The following COL25A1 variants were observed in gnomAD, a reference collection of about 807,000 sequenced individuals.
The protein encoded by COL25A1 is collagen alpha-1(XXV) chain.
COL25A1 carries 103 observed loss-of-function variants against 128.4 expected under a neutral mutation model. That is an observed-to-expected ratio of 0.80 (90% CI 0.68 to 0.94). The LOEUF (loss-of-function observed/expected upper bound fraction) is 0.94. COL25A1 is among the 40% of genes least tolerant of loss of function. COL25A1 has a pLI of 0.00. For missense variants in COL25A1, 745 were observed against 840.0 expected (o/e 0.89, Z 1.40); for synonymous variants, 279 against 277.2 (o/e 1.01, Z -0.06).
chr4:109,146,903 A>T (rs1770993423), intron 3 of COL25A1, among the ~76,000 whole-genome samples: 1 of 152,252 alleles, frequency 6.6e-6, no homozygotes, highest in Non-Finnish European at 1.5e-5. Context: ...TCTTCGGACC[A>T]AATCTGTGTA....
At chr4:109,016,196 C>T (rs549035464) in intron 5 of COL25A1, among the ~76,000 whole-genome samples, 1 of 152,360 alleles carries the variant, frequency 6.6e-6, no homozygotes, top group East Asian at 1.9e-4. Context: ...CAGGGTGGAG[C>T]AAAGTTGTGG....
At chr4:109,020,134 T>C (rs61079604) in intron 5 of COL25A1, among the ~76,000 whole-genome samples, 1,678 of 152,310 alleles carry the variant, frequency 0.011, 37 homozygotes, top group African/African-American at 0.038. Context: ...ATTATGTGTA[T>C]TAATTTTAAA....
intron 3 of COL25A1, among the ~76,000 whole-genome samples, chr4:109,268,140 A>G (rs1781915732): frequency 6.6e-6 from 1 of 152,214 alleles, no homozygotes; most frequent in Non-Finnish European, 1.5e-5. Context: ...ATATATTATA[A>G]AGAGCACATT....
At chr4:108,909,560 AACACTT>A (rs1743965865) in intron 13 of COL25A1, among the ~76,000 whole-genome samples, 1 of 152,238 alleles carries the variant, frequency 6.6e-6, no homozygotes, top group South Asian at 2.1e-4. Flanking sequence ...TCTGCTAGTT[AACACTT>A]TTAATCTTAG....
chr4:108,913,238 T>C (rs566969711), intron 13 of COL25A1, among the ~76,000 whole-genome samples: 12 of 150,572 alleles, frequency 8.0e-5, no homozygotes, highest in African/African-American at 2.7e-4. Flanking sequence ...AATGGGACTT[T>C]GTGTGGTCTC....
chr4:108,849,719 T>G (rs1374609420), intron 26 of COL25A1, among the ~76,000 whole-genome samples: 1 of 152,148 alleles, frequency 6.6e-6, no homozygotes, highest in Non-Finnish European at 1.5e-5. Context: ...CTCTTCTGAG[T>G]GTGAGAGGCC....
intron 6 of COL25A1, among the ~76,000 whole-genome samples, chr4:108,986,010 C>T (rs1335382338): frequency 6.6e-6 from 1 of 152,180 alleles, no homozygotes; most frequent in Non-Finnish European, 1.5e-5. Flanking sequence ...ACTGCTCCTC[C>T]AAGCCTAAAA....
chr4:109,186,483 C>T (rs904808648), intron 3 of COL25A1, among the ~76,000 whole-genome samples: 1 of 152,138 alleles, frequency 6.6e-6, no homozygotes, highest in Non-Finnish European at 1.5e-5. Flanking sequence ...TCATCAATTA[C>T]ATTATTGTAT....
At chr4:108,990,482 G>T (rs1433571452) in intron 6 of COL25A1, among the ~76,000 whole-genome samples, 1 of 151,448 alleles carries the variant, frequency 6.6e-6, no homozygotes. Context: ...TACATAGAGG[G>T]TCTTATGCTA....
chr4:109,271,970 G>A (rs746515358), intron 3 of COL25A1, among the ~76,000 whole-genome samples: 8 of 152,140 alleles, frequency 5.3e-5, no homozygotes, highest in Non-Finnish European at 1.0e-4. Context: ...TGGGCATGGT[G>A]GCTCATGCCT....
At chr4:108,858,773 A>G (rs563557524) in intron 24 of COL25A1, among the ~76,000 whole-genome samples, 73 of 152,288 alleles carry the variant, frequency 4.8e-4, no homozygotes, top group Non-Finnish European at 6.3e-4. Context: ...GAATAGACAG[A>G]CAAATTAGAA....
intron 3 of COL25A1, among the ~76,000 whole-genome samples, chr4:109,285,630 T>G (rs1368654570): frequency 6.6e-6 from 1 of 152,228 alleles, no homozygotes; most frequent in Non-Finnish European, 1.5e-5. Flanking sequence ...TCGAGAGAGC[T>G]GATGGTTCAG....
At chr4:109,168,479 T>G in intron 3 of COL25A1, among the ~76,000 whole-genome samples, 1 of 152,164 alleles carries the variant, frequency 6.6e-6, no homozygotes, top group East Asian at 1.9e-4. Flanking sequence ...AAAAGATAAT[T>G]ATTCCAGCTA....
intron 3 of COL25A1, among the ~76,000 whole-genome samples, chr4:109,172,128 T>C (rs2126132632): frequency 6.6e-6 from 1 of 152,306 alleles, no homozygotes. Flanking sequence ...CTGAGCTCAC[T>C]GAGAACACTT....
intron 3 of COL25A1, among the ~76,000 whole-genome samples, chr4:109,116,744 C>A (rs1332443884): frequency 1.3e-5 from 2 of 151,782 alleles, no homozygotes; most frequent in Non-Finnish European, 1.5e-5. Context: ...ATGCTAAGGG[C>A]TTTAAAGGTA....
chr4:109,289,322 A>T (rs940061344), intron 3 of COL25A1, among the ~76,000 whole-genome samples: 1 of 151,990 alleles, frequency 6.6e-6, no homozygotes, highest in Admixed American at 6.6e-5. Flanking sequence ...ATGTTTTTAA[A>T]CTCTCCTTTG....
At chr4:109,197,897 C>T (rs1776250707) in intron 3 of COL25A1, among the ~76,000 whole-genome samples, 1 of 152,030 alleles carries the variant, frequency 6.6e-6, no homozygotes, top group African/African-American at 2.4e-5. Context: ...GGAATGCATG[C>T]TAGTGTAAAC....
chr4:109,025,776 T>G (rs548411577), intron 5 of COL25A1, among the ~76,000 whole-genome samples: 1 of 151,348 alleles, frequency 6.6e-6, no homozygotes, highest in East Asian at 1.9e-4. Flanking sequence ...ACACCAAGAG[T>G]TTTACAAATG....
intron 6 of COL25A1, among the ~76,000 whole-genome samples, chr4:109,001,542 G>A (rs1349759597): frequency 6.7e-6 from 1 of 150,232 alleles, no homozygotes; most frequent in Non-Finnish European, 1.5e-5. Context: ...GGGATGAAGA[G>A]TATAAGGTAG....
Sources: gnomAD v4.1 joint callset for allele counts (sites outside exome capture counted in the v4.1 genomes callset) on GRCh38, gnomAD v4.1.1 for gene constraint, MANE v1.5 for transcripts, NCBI Gene and HGNC (gene_info 2026-07-23, HGNC 2026-07-21) for gene names.